The following APCDD1L variants were observed in gnomAD, a reference collection of about 807,000 sequenced individuals.
APCDD1L encodes APC down-regulated 1 like.
In APCDD1L, 21 loss-of-function variants were observed where a neutral mutation model predicts 24.2. The observed-to-expected ratio is 0.87, with a 90% confidence interval of 0.61 to 1.25. The LOEUF (loss-of-function observed/expected upper bound fraction) is 1.25, where lower values mean the gene tolerates loss of function less well. APCDD1L is among the 50% of genes most tolerant of loss of function. APCDD1L has a pLI of 0.00. For missense variants in APCDD1L, 704 were observed against 711.7 expected, an observed-to-expected ratio of 0.99 and a Z score of 0.12; for synonymous variants, 321 against 323.6, an observed-to-expected ratio of 0.99 and a Z score of 0.09.
chr20:58,499,839 G>A (rs1990396815), intron 1 of APCDD1L, among the ~76,000 whole-genome samples: 1 of 152,114 alleles, frequency 6.6e-6, no homozygotes. Flanking sequence ...TCTCTCTTGA[G>A]TCTTCAACCT....
At chr20:58,466,989 G>T in intron 3 of APCDD1L, 117 bp downstream of exon 3, 1 of 1,311,290 alleles carries the variant, frequency 7.6e-7, no homozygotes, top group Non-Finnish European at 1.0e-6. Context: ...AGTGATGACA[G>T]CCGGGCAGCC....
At chr20:58,514,209 AG>A (rs1259269264) in intron 1 of APCDD1L, among the ~76,000 whole-genome samples, 1 of 152,152 alleles carries the variant, frequency 6.6e-6, no homozygotes, top group African/African-American at 2.4e-5. Context: ...GTCCTGCTGC[AG>A]GAAGAAGCCC....
intron 1 of APCDD1L, among the ~76,000 whole-genome samples, chr20:58,486,867 T>TA (rs1292950230): frequency 1.5e-5 from 2 of 133,110 alleles, no homozygotes; most frequent in Non-Finnish European, 3.2e-5. Flanking sequence ...TTTTTTTTTT[T>TA]TTTTTTTTTT....
chr20:58,486,861 T>G (rs995294443), intron 1 of APCDD1L, among the ~76,000 whole-genome samples: 12 of 128,598 alleles, frequency 9.3e-5, no homozygotes, highest in Non-Finnish European at 2.0e-4. Flanking sequence ...AAGGTTTTTT[T>G]TTTTTTTTTT....
In APCDD1L at chr20:58,461,757, C is replaced by T. The variant is rs1288329700; in HGVS notation, c.742-203G>A. 6.7e-6 allele frequency: 3 copies of T among 447,320 alleles called. No individual in the cohort carries two copies. The highest frequency in any genetic ancestry group is 1.1e-5 in the Non-Finnish European group (3 of 268,116). The allele number at this position is 447,320 out of a possible 1,614,324, so 27.7% of individuals were successfully genotyped here. A position where few individuals can be genotyped will look rare whatever the true frequency, so the allele number is the denominator to read the frequency against. ...GGATGGCCTCCTTGATGGAGGTCAGCCCCTGTATCCCCCGGGCCTTGGGTC... is the reference window on the plus strand; with the variant it reads ...GGATGGCCTCCTTGATGGAGGTCAGTCCCTGTATCCCCCGGGCCTTGGGTC... On this transcript the variant is annotated intron_variant, in intron 3 of 3. Coordinates refer to ENST00000371149, the MANE Select transcript of APCDD1L (RefSeq NM_153360.3). This position sits in a 1 kb window ranked among gnomAD's most constrained non-coding sequence, Gnocchi z 6.0.
intron 1 of APCDD1L, chr20:58,513,692 G>A: frequency 2.5e-6 from 1 of 406,020 alleles, no homozygotes; most frequent in Non-Finnish European, 4.9e-6. Context: ...CAGGCAGCAA[G>A]TGGAGTGATC....
At position 58,467,871 on chromosome 20, in the gene APCDD1L, A is replaced by G. The variant is rs1989748082; in HGVS notation, c.189-213T>C. Among the ~76,000 whole-genome samples, 1 of 152,098 alleles carries G rather than the reference A, an allele frequency of 6.6e-6. No homozygotes were observed. The highest frequency in any genetic ancestry group is 1.5e-5 in the Non-Finnish European group (1 of 68,014). ...CTGGATGCCTCGTGGCCTCGACACA[A>G]GCCTTCTAGTTCATTCTCCTTTCCT... On this transcript the variant is annotated intron_variant, in intron 2 of 3. Coordinates refer to ENST00000371149, the MANE Select transcript of APCDD1L (RefSeq NM_153360.3). The surrounding 1 kb of genome is among the most constrained non-coding windows in gnomAD (Gnocchi z 5.9).
chr20:58,463,902 G>GT lies in APCDD1L; in HGVS notation c.742-2349_742-2348insA, dbSNP rs940412455. On this transcript the variant is annotated intron_variant, in intron 3 of 3. Coordinates refer to ENST00000371149, the MANE Select transcript of APCDD1L (RefSeq NM_153360.3). ...TGAGAACAGTTTTTTTTTGGGGGGG[G>GT]GGGGCGTCACATTTTATAAGCTGTT... Among the ~76,000 whole-genome samples, 2 of 133,794 alleles carry GT rather than the reference G, an allele frequency of 1.5e-5. 1 individual carries two copies. Among genetic ancestry groups the GT allele is most frequent in the East Asian group, 5.3e-4 (2 of 3,770 alleles). The allele number at this position is 133,794 out of a possible 152,430, so 87.8% of individuals were successfully genotyped here. A position where few individuals can be genotyped will look rare whatever the true frequency, so the allele number is the denominator to read the frequency against.
chr20:58,473,770 G>A (rs1189854932), intron 1 of APCDD1L, among the ~76,000 whole-genome samples: 1 of 152,060 alleles, frequency 6.6e-6, no homozygotes, highest in African/African-American at 2.4e-5. Context: ...AATTAACAGT[G>A]GTGTCCACTT....
chr20:58,486,467 T>A (rs1990118699), intron 1 of APCDD1L, among the ~76,000 whole-genome samples: 1 of 152,092 alleles, frequency 6.6e-6, no homozygotes, highest in African/African-American at 2.4e-5. Context: ...TTAAGAGACA[T>A]AGGAGCTATC....
chr20:58,460,888 G>A lies in APCDD1L; in HGVS notation c.1408C>T (p.Pro470Ser). The part of the protein sequence containing the change: ...PDFSRPPQHR[P>S]SLQKHPSTGG... ...GTGCTGGGGTGCTTCTGCAGCGATG[G>A]CCTGTGCTGCGGTGGCCTGGAGAAG... The change falls in exon 4 of 4, where the codon CCA becomes TCA. Residue 470 changes from proline to serine, a missense_variant. Transcript: ENST00000371149. The surrounding 1 kb of genome is among the most constrained non-coding windows in gnomAD (Gnocchi z 4.2). 6.2e-7 allele frequency: 1 copy of A among 1,602,640 alleles called. No individual in the cohort carries two copies. The highest frequency in any genetic ancestry group is 1.3e-5 in the African/African-American group (1 of 74,718).
chr20:58,490,996 T>C (rs6070483), intron 1 of APCDD1L, among the ~76,000 whole-genome samples: 3,341 of 152,340 alleles, frequency 0.022, 54 homozygotes, highest in Non-Finnish European at 0.035. Flanking sequence ...TCTGTAAATA[T>C]CTTTGCCACA....
chr20:58,461,575 A>G lies in APCDD1L; in HGVS notation c.742-21T>C. 5 of 1,408,360 alleles carry G rather than the reference A, an allele frequency of 3.6e-6. No homozygotes were observed. The highest frequency in any genetic ancestry group is 4.7e-6 in the Non-Finnish European group (5 of 1,074,616). 87.2% of individuals were successfully genotyped at this position (1,408,360 alleles called of 1,614,324 possible). A position where few individuals can be genotyped will look rare whatever the true frequency, so the allele number is the denominator to read the frequency against. On this transcript the variant is annotated intron_variant, in intron 3 of 3. Transcript: ENST00000371149. The surrounding 1 kb of genome is among the most constrained non-coding windows in gnomAD (Gnocchi z 6.0). ...TGGTGCTGGCAAAAGACAAACAGAAAAACGGTGGTTGTCCCACATAGAGAA... is the reference window on the plus strand; with the variant it reads ...TGGTGCTGGCAAAAGACAAACAGAAGAACGGTGGTTGTCCCACATAGAGAA...
chr20:58,495,486 C>T (rs1990304191), intron 1 of APCDD1L, among the ~76,000 whole-genome samples: 1 of 152,180 alleles, frequency 6.6e-6, no homozygotes, highest in Non-Finnish European at 1.5e-5. Context: ...TGAGCTGCCT[C>T]CTTGAGCCCC....
Position 58,514,774 on chromosome 20 carries a change from G to C in APCDD1L, c.-67C>G. 2.4e-6 allele frequency: 3 copies of C among 1,226,858 alleles called. No individual in the cohort carries two copies. The highest frequency in any genetic ancestry group is 3.1e-6 in the Non-Finnish European group (3 of 968,412). The allele number at this position is 1,226,858 out of a possible 1,614,324, so 76.0% of individuals were successfully genotyped here. A position where few individuals can be genotyped will look rare whatever the true frequency, so the allele number is the denominator to read the frequency against. ...GTGCGCAAGGGGAGGCGCGGGCGCA[G>C]GGCTCTCGGACGGCTGCGGGCGCCG... On this transcript the variant is annotated 5_prime_UTR_variant, in exon 1 of 4. Coordinates refer to ENST00000371149, the MANE Select transcript of APCDD1L (RefSeq NM_153360.3).
chr20:58,483,199 G>A (rs1261648220), intron 1 of APCDD1L, among the ~76,000 whole-genome samples: 1 of 152,154 alleles, frequency 6.6e-6, no homozygotes, highest in Non-Finnish European at 1.5e-5. Flanking sequence ...GGAGGAGGAT[G>A]TAATTAGTCC....
At chr20:58,495,710 G>C (rs1600870080) in intron 1 of APCDD1L, among the ~76,000 whole-genome samples, 1 of 152,204 alleles carries the variant, frequency 6.6e-6, no homozygotes, top group Non-Finnish European at 1.5e-5. Flanking sequence ...GGTGGGTTGA[G>C]AGCCTCACCG....
Position 58,467,580 on chromosome 20 carries a change from C to A in APCDD1L, c.267G>T (p.Gln89His). Residue 89 changes from glutamine (Q) to histidine (H), a missense_variant, in exon 3 of 4, where the codon CAG becomes CAT. Physicochemically the swap from Gln to His is conservative, Grantham distance 24. Coordinates refer to ENST00000371149, the MANE Select transcript of APCDD1L (RefSeq NM_153360.3). This position sits in a 1 kb window ranked among gnomAD's most constrained non-coding sequence, Gnocchi z 5.9. Reference sequence around the variant, plus strand: ...CGCAGAAGGGGTCCTCGTAGTAGAACTGGTGGGCTCGAAAGAGCCGGCTGG... The same window carrying A: ...CGCAGAAGGGGTCCTCGTAGTAGAAATGGTGGGCTCGAAAGAGCCGGCTGG... The part of the protein sequence containing the change: ...FYPSRLFRAH[Q>H]FYYEDPFCGE... 1.3e-6 allele frequency: 2 copies of A among 1,568,534 alleles called. No individual in the cohort carries two copies. Among genetic ancestry groups the A allele is most frequent in the Non-Finnish European group, 8.7e-7 (1 of 1,155,238 alleles).
At position 58,461,334 on chromosome 20, in the gene APCDD1L, G is replaced by A. The variant is rs1325899696; in HGVS notation, c.962C>T (p.Pro321Leu). The A allele has an allele frequency of 6.2e-7, 1 of 1,600,242 alleles. No individual in the cohort carries two copies. Among genetic ancestry groups the A allele is most frequent in the Non-Finnish European group, 8.5e-7 (1 of 1,170,568 alleles). ...GGTGAAGGTGGGCTGCCGGCAGGCT[G>A]GGTCTGAGAAGTGGTGGTAATACCC... ...WEGYYHHFSDPACRQPTFTVY... is the reference protein window; with the variant it reads ...WEGYYHHFSDLACRQPTFTVY... The change falls in exon 4 of 4, where the codon CCA becomes CTA. Residue 321 changes from proline (P) to leucine (L), a missense_variant. By Grantham distance (98) the Pro-to-Leu change is moderately conservative. Transcript: ENST00000371149. This position sits in a 1 kb window ranked among gnomAD's most constrained non-coding sequence, Gnocchi z 6.0.
Sources: gnomAD v4.1 joint callset for allele counts (sites outside exome capture counted in the v4.1 genomes callset) on GRCh38, gnomAD v4.1.1 for gene constraint, Gnocchi (gnomAD v3.1) non-coding constraint, MANE v1.5 for transcripts, NCBI Gene and HGNC (gene_info 2026-07-23, HGNC 2026-07-21) for gene names.